TOMT: variants seen among roughly 807,000 people sequenced by gnomAD.
TOMT encodes transmembrane O-methyltransferase.
TOMT carries 23 observed loss-of-function variants against 21.7 expected under a neutral mutation model. The ratio of observed to expected loss-of-function variants is 1.06; its 90% CI spans 0.76 to 1.50. TOMT has a LOEUF of 1.50. TOMT is among the 40% of genes most tolerant of loss of function. TOMT has a pLI of 0.00. For missense variants in TOMT, 331 were observed against 348.7 expected, an observed-to-expected ratio of 0.95 and a Z score of 0.41; for synonymous variants, 132 against 150.8, an observed-to-expected ratio of 0.88 and a Z score of 0.91.
chr11:72,109,123 C>T (rs988688218), exon 3 of TOMT: 4 of 588,100 alleles, frequency 6.8e-6, no homozygotes, highest in Non-Finnish European at 1.2e-5. Flanking sequence ...CTTGGTCTCA[C>T]TAGGCCCCCT....
chr11:72,109,281 A>T, exon 3 of TOMT: 1 of 461,896 alleles, frequency 2.2e-6, no homozygotes, highest in Non-Finnish European at 4.2e-6. Flanking sequence ...TGGATGGGAG[A>T]GCTCCAGGGG....
intron 2 of TOMT, among the ~76,000 whole-genome samples, 152 bp downstream of exon 2, chr11:72,108,271 C>T (rs1458374178): frequency 2.0e-5 from 3 of 152,156 alleles, no homozygotes; most frequent in Admixed American, 6.5e-5. Context: ...CCCTCCTGTC[C>T]CAAGTCATCT....
chr11:72,108,174 G>C (rs1945905827), intron 2 of TOMT, 55 bp downstream of exon 2: 1 of 1,421,158 alleles, frequency 7.0e-7, no homozygotes, highest in Non-Finnish European at 9.3e-7. Flanking sequence ...CTTGCCCCCA[G>C]ACATCCCTTG....
At chr11:72,106,161 C>T (rs1362371692) in exon 1 of TOMT, 28 of 1,526,178 alleles carry the variant, frequency 1.8e-5, no homozygotes, top group Non-Finnish European at 2.4e-5. Flanking sequence ...CCACCCTGGA[C>T]CACTGGAGCA....
chr11:72,108,219 C>A lies in TOMT; in HGVS notation c.456+100C>A, dbSNP rs1400645509. 6.5e-6 allele frequency: 7 copies of A among 1,080,872 alleles called. No individual in the cohort carries two copies. The East Asian group carries it at 1.6e-4, about 25-fold the overall frequency. The allele number at this position is 1,080,872 out of a possible 1,614,324, so 67.0% of individuals were successfully genotyped here. A position where few individuals can be genotyped will look rare whatever the true frequency, so the allele number is the denominator to read the frequency against. On this transcript the variant is annotated intron_variant, in intron 2 of 2. Transcript: ENST00000541899. ...CCCATCTAAGGAGAAGGAAGCACCT[C>A]CACTCTGGGGACTGTGATGCTGGAT...
At chr11:72,108,917 C>T (rs752640844) in exon 3 of TOMT, 21 of 1,534,652 alleles carry the variant, frequency 1.4e-5, no homozygotes, top group Non-Finnish European at 1.8e-5. Context: ...CTATGCTGGA[C>T]CAGGCTGAGG....
exon 3 of TOMT, chr11:72,109,012 G>C: frequency 1.7e-6 from 2 of 1,207,514 alleles, no homozygotes; most frequent in Non-Finnish European, 2.3e-6. Context: ...CCTGTTTGGG[G>C]CCTTGACACA....
At chr11:72,106,301 G>A in intron 1 of TOMT, 91 bp downstream of exon 1, 1 of 1,337,844 alleles carries the variant, frequency 7.5e-7, no homozygotes, top group Non-Finnish European at 9.7e-7. Flanking sequence ...GGATGAATTG[G>A]GCAGGTTCTT....
intron 1 of TOMT, chr11:72,107,680 C>T (rs1945822704): frequency 3.2e-6 from 2 of 616,380 alleles, no homozygotes; most frequent in Non-Finnish European, 5.8e-6. Flanking sequence ...TCCCAAAGGC[C>T]TTCAGCTCAC....
exon 3 of TOMT, chr11:72,108,714 T>C (rs1162348270): frequency 6.5e-7 from 1 of 1,549,698 alleles, no homozygotes; most frequent in East Asian, 2.4e-5. Flanking sequence ...CGATGTTACC[T>C]GAGGGACCTG....
At chr11:72,108,792 C>T in exon 3 of TOMT, 1 of 1,550,554 alleles carries the variant, frequency 6.4e-7, no homozygotes, top group Non-Finnish European at 8.7e-7. Context: ...GTGCTCTTCC[C>T]TGGTGCACCC....
chr11:72,109,434 G>A (rs1946120267), downstream of TOMT: 3 of 435,806 alleles, frequency 6.9e-6, no homozygotes, highest in Non-Finnish European at 1.4e-5. Flanking sequence ...CAGAACCCTG[G>A]ACCCAGGGCC....
chr11:72,108,235 G>A, intron 2 of TOMT, 116 bp downstream of exon 2: 1 of 904,792 alleles, frequency 1.1e-6, no homozygotes, highest in Non-Finnish European at 1.6e-6. Context: ...TGGGGACTGT[G>A]ATGCTGGATG....
In TOMT at chr11:72,107,472, G is replaced by A. The variant is rs1238560745; in HGVS notation, c.260-451G>A. The A allele has an allele frequency of 1.3e-5, 9 of 702,828 alleles. No homozygotes were observed. In the East Asian group the frequency reaches 2.4e-4, roughly 19 times the overall value. The allele number at this position is 702,828 out of a possible 1,614,324, so 43.5% of individuals were successfully genotyped here. A position where few individuals can be genotyped will look rare whatever the true frequency, so the allele number is the denominator to read the frequency against. On this transcript the variant is annotated intron_variant, in intron 1 of 2. Transcript: ENST00000541899. ...CTGAGTTGGCCAGGCAGATGGCGAT[G>A]GGGGTGGGAAGGGCAAAGCCAGCCA...
chr11:72,106,014 G>T, exon 1 of TOMT: 1 of 1,551,056 alleles, frequency 6.4e-7, no homozygotes, highest in Non-Finnish European at 8.7e-7. Flanking sequence ...TGCGGTACCG[G>T]CACTACTTCC....
intron 1 of TOMT, 137 bp from the exon 2 acceptor site, chr11:72,107,786 G>A (rs1945834891): frequency 1.1e-6 from 1 of 874,466 alleles, no homozygotes; most frequent in Admixed American, 2.4e-5. Context: ...AGGGCAGCTG[G>A]GGCTATGGTA....
At chr11:72,107,791 A>G in intron 1 of TOMT, 132 bp from the exon 2 acceptor site, 2 of 917,412 alleles carry the variant, frequency 2.2e-6, no homozygotes, top group Admixed American at 2.3e-5. Context: ...AGCTGGGGCT[A>G]TGGTACAAGA....
chr11:72,107,510 T>C, intron 1 of TOMT: 1 of 702,952 alleles, frequency 1.4e-6, no homozygotes, highest in Non-Finnish European at 2.6e-6. Flanking sequence ...TATACACATG[T>C]GGCATGAAGG....
chr11:72,108,231 C>A, intron 2 of TOMT, 112 bp downstream of exon 2: 3 of 937,956 alleles, frequency 3.2e-6, no homozygotes, highest in Non-Finnish European at 4.6e-6. Context: ...ACTCTGGGGA[C>A]TGTGATGCTG....
Sources: gnomAD v4.1 joint callset for allele counts (sites outside exome capture counted in the v4.1 genomes callset) on GRCh38, gnomAD v4.1.1 for gene constraint, MANE v1.5 for transcripts, NCBI Gene and HGNC (gene_info 2026-07-23, HGNC 2026-07-21) for gene names.